CRACR2A: variants seen among roughly 807,000 people sequenced by gnomAD.
CRACR2A encodes EF-hand calcium-binding domain-containing protein 4B.
In CRACR2A, 79 loss-of-function variants were observed where a neutral mutation model predicts 90.5. The ratio of observed to expected loss-of-function variants is 0.87; its 90% CI spans 0.73 to 1.05. CRACR2A has a LOEUF of 1.05. Ranked by LOEUF, CRACR2A falls within the 50% of genes least tolerant of loss-of-function variation. The pLI is 0.00. For missense variants in CRACR2A, 823 were observed against 897.2 expected, an observed-to-expected ratio of 0.92 and a Z score of 1.06; for synonymous variants, 338 against 356.7, an observed-to-expected ratio of 0.95 and a Z score of 0.59.
At chr12:3,749,389 T>C (rs978583357) in intron 1 of CRACR2A, among the ~76,000 whole-genome samples, 4 of 152,252 alleles carry the variant, frequency 2.6e-5, no homozygotes, top group African/African-American at 9.6e-5. Context: ...CCCTGCTTCA[T>C]GCTGCCTCTG....
Position 3,633,830 on chromosome 12 carries a change from C to CA in CRACR2A, c.1603-95_1603-94insT. ...GGCCCTTTACCCATCCCTACAGTGG[C>CA]CCTCAGGAGGTGCAGACCGGCCTCT... On this transcript the variant is annotated intron_variant, in intron 14 of 19. Coordinates refer to ENST00000440314, the MANE Select transcript of CRACR2A (RefSeq NM_001144958.2). This position sits in a 1 kb window ranked among gnomAD's most constrained non-coding sequence, Gnocchi z 4.5. The CA allele has an allele frequency of 6.6e-7, 1 of 1,515,652 alleles. No individual in the cohort carries two copies. The allele number at this position is 1,515,652 out of a possible 1,614,324, so 93.9% of individuals were successfully genotyped here. A position where few individuals can be genotyped will look rare whatever the true frequency, so the allele number is the denominator to read the frequency against.
At chr12:3,651,426 C>T (rs550861398) in intron 10 of CRACR2A, among the ~76,000 whole-genome samples, 20 of 152,292 alleles carry the variant, frequency 1.3e-4, no homozygotes, top group Admixed American at 1.0e-3. Flanking sequence ...TCTTTTTGAA[C>T]GTATAACCTT....
chr12:3,683,261 C>T (rs1186253669), intron 4 of CRACR2A, among the ~76,000 whole-genome samples: 1 of 152,216 alleles, frequency 6.6e-6, no homozygotes, highest in African/African-American at 2.4e-5. Flanking sequence ...TTCTCCAGGG[C>T]ATTCATTCTG....
chr12:3,644,476 A>C, intron 12 of CRACR2A, 119 bp downstream of exon 12: 1 of 1,077,616 alleles, frequency 9.3e-7, no homozygotes, highest in East Asian at 2.6e-5. Context: ...TCATGCCGTC[A>C]TCCTGCCAAA....
intron 15 of CRACR2A, among the ~76,000 whole-genome samples, chr12:3,632,731 C>T (rs117598421): frequency 0.013 from 2,040 of 152,290 alleles, 16 homozygotes; most frequent in Non-Finnish European, 0.021. Flanking sequence ...CAGTACCTGT[C>T]CCCCAGGGTT....
chr12:3,640,847 T>C lies in CRACR2A; in HGVS notation c.1271+885A>G, dbSNP rs1198868340. 24 of 1,296,210 alleles carry C rather than the reference T, an allele frequency of 1.9e-5. 1 individual carries two copies. The highest frequency in any genetic ancestry group is 3.1e-5 in the African/African-American group (2 of 65,568). The allele number at this position is 1,296,210 out of a possible 1,614,324, so 80.3% of individuals were successfully genotyped here. ...GACTGGTTTGTCTCTCAATGAGCAA[T>C]GAGCCAACCCTTGGGTACTCAAGCT... On this transcript the variant is annotated intron_variant, in intron 13 of 19. Coordinates refer to ENST00000440314, the MANE Select transcript of CRACR2A (RefSeq NM_001144958.2).
chr12:3,697,931 G>A (rs550982440), intron 3 of CRACR2A, among the ~76,000 whole-genome samples: 4 of 152,228 alleles, frequency 2.6e-5, no homozygotes, highest in South Asian at 2.1e-4. Flanking sequence ...ATGTGGAAGA[G>A]GGCATACGGA....
At chr12:3,661,568 T>C (rs770845500) in intron 7 of CRACR2A, among the ~76,000 whole-genome samples, 1 of 152,220 alleles carries the variant, frequency 6.6e-6, no homozygotes, top group Non-Finnish European at 1.5e-5. Flanking sequence ...CTGAGCTAAC[T>C]CATAAGAATT....
rs1307227205 is a variant in CRACR2A, at chr12:3,644,602, C to T, written c.1157G>A (p.Cys386Tyr). The T allele has an allele frequency of 2.1e-5, 33 of 1,551,414 alleles. No individual in the cohort carries two copies. In the Admixed American group the frequency reaches 4.9e-4, roughly 23 times the overall value. Residue 386 changes from cysteine to tyrosine, a missense_variant, in exon 12 of 20, where the codon TGT (cysteine) becomes TAT (tyrosine). Coordinates refer to ENST00000440314, the MANE Select transcript of CRACR2A (RefSeq NM_001144958.2). ...NKHLRDERDI[C>Y]FQKNKAAKAN... is the part of the protein sequence containing the mutation. ...GGAGAACTGGCCAATTACCTGAAAA[C>T]ATATGTCCCGTTCATCCCGAAGGTG...
chr12:3,672,270 A>T (rs192964175), intron 7 of CRACR2A, among the ~76,000 whole-genome samples: 1 of 150,172 alleles, frequency 6.7e-6, no homozygotes, highest in Non-Finnish European at 1.5e-5. Context: ...TGATCTACAC[A>T]GCAAGACACA....
chr12:3,678,066 G>A (rs1945369248), intron 6 of CRACR2A, among the ~76,000 whole-genome samples: 1 of 152,112 alleles, frequency 6.6e-6, no homozygotes, highest in African/African-American at 2.4e-5. Flanking sequence ...CACACTACAG[G>A]AAACATACAT....
chr12:3,690,988 T>C (rs1484483694), intron 4 of CRACR2A, among the ~76,000 whole-genome samples: 1 of 152,226 alleles, frequency 6.6e-6, no homozygotes, highest in Non-Finnish European at 1.5e-5. Context: ...TTTTTTTCTG[T>C]TTTCCATTCG....
chr12:3,738,687 G>A (rs1946483561), intron 1 of CRACR2A, among the ~76,000 whole-genome samples: 1 of 151,890 alleles, frequency 6.6e-6, no homozygotes, highest in Non-Finnish European at 1.5e-5. Flanking sequence ...AGAAGGAGAA[G>A]GAAAAGAATA....
At chr12:3,666,370 T>C (rs1411432773) in intron 7 of CRACR2A, among the ~76,000 whole-genome samples, 29 of 142,624 alleles carry the variant, frequency 2.0e-4, no homozygotes, top group African/African-American at 4.8e-4. Flanking sequence ...CGTGTGCGCG[T>C]GCGCGCGCAC....
At chr12:3,715,832 A>G (rs754385326) in intron 2 of CRACR2A, among the ~76,000 whole-genome samples, 6 of 152,232 alleles carry the variant, frequency 3.9e-5, no homozygotes, top group Non-Finnish European at 7.3e-5. Flanking sequence ...TGGGAACTTA[A>G]TCATGTCAAT....
intron 12 of CRACR2A, 29 bp downstream of exon 12, chr12:3,644,566 C>A: frequency 6.4e-7 from 1 of 1,550,466 alleles, no homozygotes; most frequent in Non-Finnish European, 8.7e-7. Flanking sequence ...CCTTGGTCCC[C>A]CACAGGTAAG....
chr12:3,700,654 A>C (rs1945821840), intron 3 of CRACR2A, among the ~76,000 whole-genome samples: 1 of 152,276 alleles, frequency 6.6e-6, no homozygotes, highest in Non-Finnish European at 1.5e-5. Flanking sequence ...CAATCCATCA[A>C]TATGCTATAA....
intron 13 of CRACR2A, among the ~76,000 whole-genome samples, chr12:3,638,882 C>T (rs1007641040): frequency 1.3e-5 from 2 of 152,144 alleles, no homozygotes; most frequent in Non-Finnish European, 2.9e-5. Flanking sequence ...TTTAATAAAG[C>T]GCCCCCGATT....
intron 10 of CRACR2A, among the ~76,000 whole-genome samples, chr12:3,650,551 T>A (rs1012145533): frequency 6.6e-6 from 1 of 152,162 alleles, no homozygotes; most frequent in African/African-American, 2.4e-5. Flanking sequence ...TCTGCTGTGA[T>A]GAGTGCTCCG....
Sources: gnomAD v4.1 joint callset for allele counts (sites outside exome capture counted in the v4.1 genomes callset) on GRCh38, gnomAD v4.1.1 for gene constraint, Gnocchi (gnomAD v3.1) non-coding constraint, MANE v1.5 for transcripts, NCBI Gene and HGNC (gene_info 2026-07-23, HGNC 2026-07-21) for gene names.